The following SAMSN1 variants were observed in gnomAD, a reference collection of about 807,000 sequenced individuals.
The protein encoded by SAMSN1 is SAM domain, SH3 domain and nuclear localization signals 1.
Under a neutral mutation model 42.0 loss-of-function variants are expected in SAMSN1, and 31 were observed. The observed-to-expected ratio is 0.74, with a 90% CI of 0.55 to 1.00. The LOEUF (loss-of-function observed/expected upper bound fraction) is 1.00, where lower values mean the gene tolerates loss of function less well. Ranked by LOEUF, SAMSN1 falls within the 50% of genes least tolerant of loss-of-function variation. The pLI, the probability that SAMSN1 is intolerant of heterozygous loss-of-function variation, is 0.00. For missense variants in SAMSN1, 464 were observed against 439.4 expected, an observed-to-expected ratio of 1.06 and a Z score of -0.50; for synonymous variants, 178 against 151.9, an observed-to-expected ratio of 1.17 and a Z score of -1.26.
intron 4 of SAMSN1, among the ~76,000 whole-genome samples, chr21:14,611,723 T>C (rs1160772550): frequency 6.6e-6 from 1 of 152,222 alleles, no homozygotes; most frequent in Non-Finnish European, 1.5e-5. Context: ...CCAGCGCCTA[T>C]AGATGCTACT....
chr21:14,640,876 G>C (rs1171456877), intron 2 of SAMSN1, among the ~76,000 whole-genome samples: 1 of 151,970 alleles, frequency 6.6e-6, no homozygotes, highest in African/African-American at 2.4e-5. Context: ...AAATTACAGA[G>C]AAAGACAGAG....
intron 3 of SAMSN1, among the ~76,000 whole-genome samples, chr21:14,516,134 T>G (rs937754220): frequency 6.6e-6 from 1 of 152,084 alleles, no homozygotes; most frequent in Non-Finnish European, 1.5e-5. Flanking sequence ...TTACTATATA[T>G]CCAAGAGAAA....
chr21:14,581,884 TCTTC>T lies in SAMSN1; in HGVS notation c.261+248_261+251del, dbSNP rs1600943800. Among the ~76,000 whole-genome samples, 8 of 152,302 alleles carry T rather than the reference TCTTC, an allele frequency of 5.3e-5. No homozygotes were observed. The East Asian group carries it at 1.5e-3, about 29-fold the overall frequency. ...TCTTGATCTCAGTCAACACACGAAG[TCTTC>T]CTTCAATCAAAAAGAAATCCCTGGA... On this transcript the variant is annotated intron_variant, in intron 2 of 8. Transcript: ENST00000285670.
intron 5 of SAMSN1, among the ~76,000 whole-genome samples, chr21:14,504,586 T>A (rs775590823): frequency 2.0e-5 from 3 of 152,116 alleles, no homozygotes; most frequent in Non-Finnish European, 2.9e-5. Flanking sequence ...GAACAAAGCC[T>A]CCAAGAAGTC....
At chr21:14,583,589 A>C (rs115278113), upstream of SAMSN1, 10 of 689,342 alleles carry the variant, frequency 1.5e-5, no homozygotes, top group Non-Finnish European at 2.7e-5. Flanking sequence ...GGCTTCATTA[A>C]CGTATGCTTC....
intron 5 of SAMSN1, among the ~76,000 whole-genome samples, chr21:14,508,937 G>A (rs879552529): frequency 6.6e-6 from 1 of 151,962 alleles, no homozygotes; most frequent in African/African-American, 2.4e-5. Context: ...AGACCATCCT[G>A]GCCAACATGC....
intron 2 of SAMSN1, among the ~76,000 whole-genome samples, chr21:14,572,949 T>A (rs1981346407): frequency 6.6e-6 from 1 of 152,196 alleles, no homozygotes; most frequent in African/African-American, 2.4e-5. Context: ...GCTTCAGATT[T>A]CTACATATAA....
intron 2 of SAMSN1, among the ~76,000 whole-genome samples, chr21:14,617,231 G>A (rs1051289343): frequency 9.2e-5 from 14 of 152,140 alleles, no homozygotes; most frequent in Admixed American, 2.6e-4. Context: ...ATATCAGCAG[G>A]CCTTTGAGGA....
intron 5 of SAMSN1, among the ~76,000 whole-genome samples, chr21:14,501,136 C>G (rs1268595149): frequency 1.3e-5 from 2 of 151,974 alleles, no homozygotes; most frequent in Non-Finnish European, 2.9e-5. Context: ...CAGTGAGATC[C>G]TATCTTAAAA....
chr21:14,532,094 T>G (rs1388284071), intron 1 of SAMSN1, among the ~76,000 whole-genome samples: 2 of 152,220 alleles, frequency 1.3e-5, no homozygotes, highest in Non-Finnish European at 2.9e-5. Flanking sequence ...AGTTGTAATG[T>G]TTCCGTGAGC....
chr21:14,617,542 A>G (rs1269593483), intron 2 of SAMSN1, among the ~76,000 whole-genome samples: 3 of 152,208 alleles, frequency 2.0e-5, no homozygotes, highest in Non-Finnish European at 2.9e-5. Flanking sequence ...CATGTTCCAC[A>G]GTCTATGCAA....
upstream of SAMSN1, among the ~76,000 whole-genome samples, chr21:14,585,023 A>G (rs1307877021): frequency 1.9e-5 from 1 of 51,908 alleles, no homozygotes; most frequent in African/African-American, 6.9e-5. Context: ...TTTTTGTCAG[A>G]GGAACCCTAC....
chr21:14,582,427 C>T (rs1327540421), exon 2 of SAMSN1: 3 of 1,544,392 alleles, frequency 1.9e-6, no homozygotes, highest in Non-Finnish European at 2.6e-6. Flanking sequence ...TAACACTATT[C>T]ACTTTCTTTT....
chr21:14,534,869 C>T (rs1205363279), intron 1 of SAMSN1, among the ~76,000 whole-genome samples: 1 of 152,166 alleles, frequency 6.6e-6, no homozygotes, highest in African/African-American at 2.4e-5. Flanking sequence ...CATTCACACT[C>T]AGGTCTCTAT....
chr21:14,612,895 C>T (rs1025118717), exon 4 of SAMSN1: 2 of 705,708 alleles, frequency 2.8e-6, no homozygotes, highest in African/African-American at 1.8e-5. Context: ...TATTTTCAGA[C>T]ATAAATCTCC....
chr21:14,649,304 G>A (rs552942075), intron 1 of SAMSN1, among the ~76,000 whole-genome samples: 1 of 150,020 alleles, frequency 6.7e-6, no homozygotes, highest in Non-Finnish European at 1.5e-5. Context: ...GGATAGCATT[G>A]GGAGATATAC....
At chr21:14,569,211 C>T (rs1385952002) in intron 2 of SAMSN1, among the ~76,000 whole-genome samples, 1 of 152,068 alleles carries the variant, frequency 6.6e-6, no homozygotes, top group Admixed American at 6.6e-5. Flanking sequence ...GGGAGGATGG[C>T]TTGAGCCCAG....
At chr21:14,645,776 A>G (rs1220331847) in intron 1 of SAMSN1, among the ~76,000 whole-genome samples, 1 of 152,248 alleles carries the variant, frequency 6.6e-6, no homozygotes, top group Non-Finnish European at 1.5e-5. Context: ...ACGGATAAGG[A>G]ATTCAGAATT....
chr21:14,589,425 C>T (rs965134674), intron 7 of SAMSN1, among the ~76,000 whole-genome samples: 2 of 151,512 alleles, frequency 1.3e-5, no homozygotes, highest in Non-Finnish European at 2.9e-5. Context: ...TTAAGACCAA[C>T]CAAATTCAGG....
Sources: gnomAD v4.1 joint callset for allele counts (sites outside exome capture counted in the v4.1 genomes callset) on GRCh38, gnomAD v4.1.1 for gene constraint, MANE v1.5 for transcripts, NCBI Gene and HGNC (gene_info 2026-07-23, HGNC 2026-07-21) for gene names.